PCDHGA11: variants seen among roughly 807,000 people sequenced by gnomAD.
The protein encoded by PCDHGA11 is protocadherin gamma-A11.
A neutral mutation model predicts 60.4 loss-of-function variants in PCDHGA11; 39 were observed. That is an observed-to-expected ratio of 0.65 (90% CI 0.50 to 0.84). The LOEUF (loss-of-function observed/expected upper bound fraction) is 0.84. Ranked by LOEUF, PCDHGA11 falls within the 40% of genes least tolerant of loss-of-function variation. The pLI is 0.00. For synonymous variants in PCDHGA11, 533 were observed against 510.3 expected (o/e 1.04, Z -0.60); for missense variants, 1,165 against 1,197.7 (o/e 0.97, Z 0.40).
chr5:141,497,197 A>G (rs1243476120), intron 2 of PCDHGA11, among the ~76,000 whole-genome samples: 2 of 106,804 alleles, frequency 1.9e-5, no homozygotes, highest in African/African-American at 5.7e-5. Flanking sequence ...GCAGAGAACA[A>G]TGTGAGTGTA....
rs201076931 is a variant in PCDHGA11, at chr5:141,421,233, G to T, written c.6G>T (p.Ala2=). M[A]NRLQRGDRSR... ...ATATCGGCTTAGAGCCTGCCATGGC[G>T]AATCGGCTACAGCGCGGGGACCGCA... Residue 2 remains alanine, a synonymous_variant, in exon 1 of 4, where the codon GCG becomes GCT. Transcript: ENST00000398587. 1.3e-6 allele frequency: 2 copies of T among 1,592,240 alleles called. No individual in the cohort carries two copies. Among genetic ancestry groups the T allele is most frequent in the Non-Finnish European group, 1.7e-6 (2 of 1,171,270 alleles).
chr5:141,477,817 C>G lies in PCDHGA11; in HGVS notation c.2434-16990C>G, dbSNP rs1593824080. 2 of 1,614,138 alleles carry G rather than the reference C, an allele frequency of 1.2e-6. No individual in the cohort carries two copies. The highest frequency in any genetic ancestry group is 8.5e-7 in the Non-Finnish European group (1 of 1,180,038). ...ATCGCAATGACAATGCCCCCCAGGT[C>G]CTATATCCTCGGCCAGGTGGGAGCT... is the stretch of plus-strand genomic sequence containing the variant. On this transcript the variant is annotated intron_variant, in intron 1 of 3. Coordinates refer to ENST00000398587, the MANE Select transcript of PCDHGA11 (RefSeq NM_018914.3). This position sits in a 1 kb window ranked among gnomAD's most constrained non-coding sequence, Gnocchi z 4.9.
chr5:141,505,078 C>G (rs535590642), intron 2 of PCDHGA11, among the ~76,000 whole-genome samples: 81 of 152,298 alleles, frequency 5.3e-4, no homozygotes, highest in African/African-American at 2.0e-3. Flanking sequence ...AGGAGAATCG[C>G]TTGAACCCAG....
intron 1 of PCDHGA11, chr5:141,484,966 G>C: frequency 1.7e-6 from 1 of 583,968 alleles, no homozygotes. Context: ...GAGCCCGGGA[G>C]CCGCTGTCTG....
chr5:141,507,691 A>G (rs777728143), intron 3 of PCDHGA11, among the ~76,000 whole-genome samples: 72 of 152,198 alleles, frequency 4.7e-4, no homozygotes, highest in Non-Finnish European at 6.8e-4. Context: ...CAGAAATGAA[A>G]TCAGTATTTA....
rs1236813956 is a variant in PCDHGA11, at chr5:141,480,634, TTTCAAAC to T, written c.2434-14170_2434-14164del. On this transcript the variant is annotated intron_variant, in intron 1 of 3. Transcript: ENST00000398587. The stretch of plus-strand genomic sequence containing the variant: ...ACTGGCATTTTCCCTAGAACAATGT[TTTCAAAC>T]TTGGTTGCACATTAAAATCACCTAG... Among the ~76,000 whole-genome samples the T allele has an allele frequency of 3.9e-5, 6 of 152,332 alleles. No individual in the cohort carries two copies. In the East Asian group the frequency reaches 1.2e-3, roughly 29 times the overall value.
At chr5:141,462,062 A>T (rs957948334) in intron 1 of PCDHGA11, among the ~76,000 whole-genome samples, 3 of 152,168 alleles carry the variant, frequency 2.0e-5, no homozygotes, top group African/African-American at 2.4e-5. Context: ...ACCTCAGGTG[A>T]TCTGCCCGCC....
At position 141,490,938 on chromosome 5, in the gene PCDHGA11, C is replaced by T. The variant is rs2099706179; in HGVS notation, c.2434-3869C>T. ...ATGATAATGCCCCAGCTGTGCTGCA[C>T]CCACGGCCAGACTGGGAACACTCAG... On this transcript the variant is annotated intron_variant, in intron 1 of 3. Coordinates refer to ENST00000398587, the MANE Select transcript of PCDHGA11 (RefSeq NM_018914.3). This position sits in a 1 kb window ranked among gnomAD's most constrained non-coding sequence, Gnocchi z 5.4. 6.2e-7 allele frequency: 1 copy of T among 1,613,554 alleles called. No homozygotes were observed. Among genetic ancestry groups the T allele is most frequent in the African/African-American group, 1.3e-5 (1 of 74,934 alleles).
At chr5:141,444,561 G>A (rs1554133061) in intron 1 of PCDHGA11, among the ~76,000 whole-genome samples, 2 of 152,098 alleles carry the variant, frequency 1.3e-5, no homozygotes, top group Non-Finnish European at 2.9e-5. Context: ...GCACTTATTT[G>A]ACACTTTTGA....
intron 1 of PCDHGA11, among the ~76,000 whole-genome samples, chr5:141,492,949 A>G (rs1470301496): frequency 6.6e-6 from 1 of 152,226 alleles, no homozygotes; most frequent in African/African-American, 2.4e-5. Flanking sequence ...GGAGGTGACC[A>G]AACTATCTGA....
intron 1 of PCDHGA11, among the ~76,000 whole-genome samples, chr5:141,460,753 A>ATATACATATTGCATATGTATG (rs1435827019): frequency 4.6e-5 from 7 of 152,094 alleles, no homozygotes; most frequent in Non-Finnish European, 1.0e-4. Flanking sequence ...ATATGTGTAC[A>ATATACATATTGCATATGTATG]TATACATATT....
chr5:141,456,427 T>A (rs1156577293), intron 1 of PCDHGA11, among the ~76,000 whole-genome samples: 1 of 152,166 alleles, frequency 6.6e-6, no homozygotes, highest in East Asian at 1.9e-4. Context: ...ATTCAAGTTA[T>A]AGTATTGAGT....
At position 141,490,475 on chromosome 5, in the gene PCDHGA11, T is replaced by C. The variant is rs769951029; in HGVS notation, c.2434-4332T>C. On this transcript the variant is annotated intron_variant, in intron 1 of 3. Coordinates refer to ENST00000398587, the MANE Select transcript of PCDHGA11 (RefSeq NM_018914.3). This position sits in a 1 kb window ranked among gnomAD's most constrained non-coding sequence, Gnocchi z 5.4. ...TACTCGCTGCTAACCAGCCAGCCTTTGGACCGGGAGGCCACATCCCACTAT... is the reference window on the plus strand; with the variant it reads ...TACTCGCTGCTAACCAGCCAGCCTTCGGACCGGGAGGCCACATCCCACTAT... The C allele has an allele frequency of 3.7e-6, 6 of 1,614,240 alleles. No individual in the cohort carries two copies. The highest frequency in any genetic ancestry group is 5.1e-6 in the Non-Finnish European group (6 of 1,180,038).
intron 1 of PCDHGA11, chr5:141,427,962 G>T: frequency 2.5e-6 from 4 of 1,590,100 alleles, no homozygotes; most frequent in Non-Finnish European, 3.4e-6. Flanking sequence ...TGTGCCGCGG[G>T]TGCTGTACCC....
intron 1 of PCDHGA11, among the ~76,000 whole-genome samples, chr5:141,442,926 T>C (rs2098353621): frequency 6.6e-6 from 1 of 152,240 alleles, no homozygotes; most frequent in African/African-American, 2.4e-5. Flanking sequence ...TGTTTCATTT[T>C]CTATTTAAGA....
At position 141,487,499 on chromosome 5, in the gene PCDHGA11, G is replaced by C; in HGVS notation, c.2434-7308G>C. 6.2e-7 allele frequency: 1 copy of C among 1,614,152 alleles called. No individual in the cohort carries two copies. The highest frequency in any genetic ancestry group is 1.3e-5 in the African/African-American group (1 of 75,042). ...CCACTCTCATGGCTGTACACCCTTG[G>C]CTTCTGCACCCACTCGGAGTGATAG... On this transcript the variant is annotated intron_variant, in intron 1 of 3. Coordinates refer to ENST00000398587, the MANE Select transcript of PCDHGA11 (RefSeq NM_018914.3). The surrounding 1 kb of genome is among the most constrained non-coding windows in gnomAD (Gnocchi z 5.0).
chr5:141,450,663 T>C (rs957466690), intron 1 of PCDHGA11, among the ~76,000 whole-genome samples: 1 of 151,652 alleles, frequency 6.6e-6, no homozygotes, highest in Non-Finnish European at 1.5e-5. Flanking sequence ...ATTTTTGTAC[T>C]TTTAGTAGAA....
intron 1 of PCDHGA11, among the ~76,000 whole-genome samples, chr5:141,430,226 T>C (rs1331325242): frequency 6.9e-6 from 1 of 144,216 alleles, no homozygotes; most frequent in Admixed American, 7.0e-5. Context: ...ATATGATTTG[T>C]CAAAAAGAGA....
chr5:141,503,181 A>C (rs532503504), intron 2 of PCDHGA11, among the ~76,000 whole-genome samples: 54 of 152,060 alleles, frequency 3.6e-4, no homozygotes, highest in African/African-American at 1.3e-3. Context: ...TCTATTGTGT[A>C]ATTATTTAAA....
Sources: gnomAD v4.1 joint callset for allele counts (sites outside exome capture counted in the v4.1 genomes callset) on GRCh38, gnomAD v4.1.1 for gene constraint, Gnocchi (gnomAD v3.1) non-coding constraint, MANE v1.5 for transcripts, NCBI Gene and HGNC (gene_info 2026-07-23, HGNC 2026-07-21) for gene names.